Variants in MOB4 observed in about 807,000 individuals in gnomAD.
The protein encoded by MOB4 is MOB-like protein phocein.
In MOB4, 4 loss-of-function variants were observed where a neutral mutation model predicts 32.2. The ratio of observed to expected loss-of-function variants is 0.12; its 90% CI spans 0.06 to 0.28. The LOEUF is 0.28. Among genes scored for constraint, MOB4 ranks in the 10% least tolerant of loss-of-function variants. MOB4 has a pLI of 1.00. For synonymous variants in MOB4, 88 were observed against 88.1 expected (o/e 1.00, Z 0.01); for missense variants, 158 against 271.2 (o/e 0.58, Z 2.93).
intron 5 of MOB4, among the ~76,000 whole-genome samples, chr2:197,543,647 G>A (rs998605254): frequency 2.0e-5 from 3 of 152,200 alleles, no homozygotes; most frequent in African/African-American, 7.2e-5. Context: ...CTTATCTAGA[G>A]TGAATAAATT....
chr2:197,547,498 A>C (rs2087017714), intron 5 of MOB4, among the ~76,000 whole-genome samples: 1 of 152,282 alleles, frequency 6.6e-6, no homozygotes, highest in African/African-American at 2.4e-5. Context: ...ATTCCTGTGG[A>C]TATATTGTTA....
chr2:197,549,313 A>G (rs115289841), intron 6 of MOB4, among the ~76,000 whole-genome samples: 4 of 152,088 alleles, frequency 2.6e-5, no homozygotes, highest in Non-Finnish European at 4.4e-5. Flanking sequence ...AAGTCTGTAC[A>G]TGTAATATAT....
At chr2:197,535,657 A>C in intron 3 of MOB4, 27 bp downstream of exon 3, 1 of 1,583,940 alleles carries the variant, frequency 6.3e-7, no homozygotes, top group Non-Finnish European at 8.6e-7. Context: ...AAATACTAAT[A>C]GTACCTCTCA....
At position 197,525,021 on chromosome 2, in the gene MOB4, G is replaced by A. The variant is rs377272781; in HGVS notation, c.123+1335G>A. Among the ~76,000 whole-genome samples the A allele has an allele frequency of 3.9e-5, 6 of 152,244 alleles. No individual in the cohort carries two copies. The East Asian group carries it at 9.6e-4, about 24-fold the overall frequency. On this transcript the variant is annotated intron_variant, in intron 2 of 7. Coordinates refer to ENST00000323303, the MANE Select transcript of MOB4 (RefSeq NM_015387.5). The stretch of plus-strand genomic sequence containing the variant: ...GGAAAATATACCATAAATCGAGGCT[G>A]TTTGGCTTCATTTTGATAGCCAGAT...
At position 197,516,395 on chromosome 2, in the gene MOB4, G is replaced by A. The variant is rs1008711020; in HGVS notation, c.60+249G>A. On this transcript the variant is annotated intron_variant, in intron 1 of 7. Transcript: ENST00000323303. ...CGGGTGGGGTCTGCTGGTGGTACCT[G>A]CCTGCCGAAGCCCTGGGCTGCGAGC... 8 of 1,399,536 alleles carry A rather than the reference G, an allele frequency of 5.7e-6. No homozygotes were observed. In the African/African-American group the frequency reaches 1.2e-4, roughly 20 times the overall value. 86.7% of individuals were successfully genotyped at this position (1,399,536 alleles called of 1,614,324 possible).
At chr2:197,538,645 T>C (rs2086844748) in intron 3 of MOB4, among the ~76,000 whole-genome samples, 1 of 152,222 alleles carries the variant, frequency 6.6e-6, no homozygotes, top group Non-Finnish European at 1.5e-5. Context: ...TGTGTACATG[T>C]TAGCCCTGTA....
chr2:197,548,289 A>C, intron 5 of MOB4, 47 bp from the exon 6 acceptor site: 1 of 1,529,676 alleles, frequency 6.5e-7, no homozygotes, highest in Non-Finnish European at 8.9e-7. Flanking sequence ...TATCTAACTT[A>C]AGAGAGAGCT....
chr2:197,516,111 G>A lies in MOB4; in HGVS notation c.25G>A (p.Val9Met), dbSNP rs1242688890. The stretch of plus-strand genomic sequence containing the variant: ...TATGGTCATGGCGGAGGGGACGGCA[G>A]TGCTGAGGCGGAACAGGCCGGGCAC... MVMAEGTA[V>M]LRRNRPGTKA... The change falls in exon 1 of 8, where the codon GTG becomes ATG. Residue 9 changes from valine (V) to methionine (M), a missense_variant. Val to Met is a conservative substitution (Grantham distance 21). Around this residue, in one of 6 missense-constraint regions of MOB4, gnomAD observed 41 missense variants for 26.4 expected, o/e 1.55. Transcript: ENST00000323303. 4 of 1,603,862 alleles carry A rather than the reference G, an allele frequency of 2.5e-6. No individual in the cohort carries two copies. The highest frequency in any genetic ancestry group is 8.5e-7 in the Non-Finnish European group (1 of 1,176,368).
chr2:197,518,944 G>C (rs2086466340), intron 1 of MOB4, among the ~76,000 whole-genome samples: 1 of 151,748 alleles, frequency 6.6e-6, no homozygotes, highest in African/African-American at 2.4e-5. Flanking sequence ...ATTTTTAGTA[G>C]AGATGGGGTT....
At chr2:197,547,746 T>C (rs531483925) in intron 5 of MOB4, among the ~76,000 whole-genome samples, 1 of 152,332 alleles carries the variant, frequency 6.6e-6, no homozygotes, top group African/African-American at 2.4e-5. Flanking sequence ...TTGCTCCCTG[T>C]CTGCCCTCAG....
intron 3 of MOB4, among the ~76,000 whole-genome samples, chr2:197,539,807 C>T (rs1025986033): frequency 1.3e-5 from 2 of 152,196 alleles, no homozygotes; most frequent in Non-Finnish European, 2.9e-5. Context: ...GAAAAGTATA[C>T]ACTTCCTAAA....
intron 2 of MOB4, among the ~76,000 whole-genome samples, chr2:197,525,723 A>G (rs578202902): frequency 4.6e-5 from 7 of 152,116 alleles, no homozygotes; most frequent in East Asian, 1.9e-4. Context: ...AAAAAAAAAA[A>G]AAAAGAAAAA....
chr2:197,542,985 T>C (rs898628028), intron 5 of MOB4, among the ~76,000 whole-genome samples: 3 of 150,816 alleles, frequency 2.0e-5, no homozygotes, highest in Admixed American at 1.3e-4. Context: ...AAAATTGAAA[T>C]ATGCTGTAAA....
chr2:197,524,979 T>C (rs910815406), intron 2 of MOB4, among the ~76,000 whole-genome samples: 1 of 152,118 alleles, frequency 6.6e-6, no homozygotes, highest in Non-Finnish European at 1.5e-5. Context: ...CCCTGGCTGA[T>C]GATAACATTT....
chr2:197,533,508 T>A (rs2086742060), intron 2 of MOB4, among the ~76,000 whole-genome samples: 1 of 152,130 alleles, frequency 6.6e-6, no homozygotes, highest in Non-Finnish European at 1.5e-5. Context: ...GTGGATCAGC[T>A]GAGGTCAGGA....
intron 5 of MOB4, among the ~76,000 whole-genome samples, chr2:197,545,251 G>GAT (rs2086973671): frequency 6.6e-6 from 1 of 152,096 alleles, no homozygotes; most frequent in African/African-American, 2.4e-5. Context: ...CAAAACCACA[G>GAT]ATACCAAAGT....
intron 5 of MOB4, among the ~76,000 whole-genome samples, chr2:197,545,008 A>T (rs1453939542): frequency 6.6e-6 from 1 of 152,236 alleles, no homozygotes; most frequent in Admixed American, 6.5e-5. Context: ...TAAAATGGTA[A>T]GCATAGAGTT....
intron 4 of MOB4, 33 bp downstream of exon 4, chr2:197,540,186 A>G (rs1195251231): frequency 1.9e-6 from 3 of 1,594,236 alleles, no homozygotes; most frequent in Non-Finnish European, 2.6e-6. Context: ...GTTATAATTG[A>G]AAGTTCTGAT....
intron 5 of MOB4, among the ~76,000 whole-genome samples, chr2:197,544,717 C>T (rs1165771764): frequency 4.0e-5 from 6 of 150,800 alleles, no homozygotes; most frequent in Non-Finnish European, 8.8e-5. Flanking sequence ...CACATCACTG[C>T]ACTCCAGCCT....
Sources: gnomAD v4.1 joint callset for allele counts (sites outside exome capture counted in the v4.1 genomes callset) on GRCh38, gnomAD v4.1.1 for gene constraint, gnomAD v4.1.1 regional missense constraint, MANE v1.5 for transcripts, NCBI Gene and HGNC (gene_info 2026-07-23, HGNC 2026-07-21) for gene names.